The following NR2F1-AS1 variants were observed in gnomAD, a reference collection of about 807,000 sequenced individuals.
NR2F1-AS1 encodes NR2F1 regulatory antisense RNA 1.
chr5:93,416,356 C>A (rs1748967341), intron 4 of NR2F1-AS1, among the ~76,000 whole-genome samples: 1 of 152,048 alleles, frequency 6.6e-6, no homozygotes, highest in Non-Finnish European at 1.5e-5. Context: ...AAATATTATT[C>A]TTTTTTCACC....
In NR2F1-AS1 at chr5:93,419,634, A is replaced by G. The variant is rs867978625; in HGVS notation, n.639-24092T>C. Among the ~76,000 whole-genome samples the G allele has an allele frequency of 5.3e-5, 8 of 152,350 alleles. No homozygotes were observed. The South Asian group carries it at 1.7e-3, about 32-fold the overall frequency. On this transcript the variant is annotated intron_variant and non_coding_transcript_variant, in intron 4 of 5. Transcript: ENST00000660523. ...TTGCATATGCATAGAAATATCGGAA[A>G]GGATATACATTAATAGTGGTCACTT...
rs140105001 is a variant in NR2F1-AS1, at chr5:93,477,136, G to A, written n.638+76625C>T. Among the ~76,000 whole-genome samples the A allele has an allele frequency of 1.0e-3, 159 of 152,262 alleles. 2 individuals are homozygous for A. Among genetic ancestry groups the A allele is most frequent in the African/African-American group, 3.7e-3 (155 of 41,550 alleles). The stretch of plus-strand genomic sequence containing the variant: ...AGAAAGCAAGATTGCTTAAATGTCT[G>A]CACTAACAGAAGGCCCATGTATACA... On this transcript the variant is annotated intron_variant and non_coding_transcript_variant, in intron 4 of 5. Transcript: ENST00000660523.
At chr5:93,518,504 A>AT (rs1241060262) in intron 4 of NR2F1-AS1, among the ~76,000 whole-genome samples, 1 of 152,074 alleles carries the variant, frequency 6.6e-6, no homozygotes, top group Non-Finnish European at 1.5e-5. Context: ...GGACTAAGGG[A>AT]TTTTCCAAAG....
intron 1 of NR2F1-AS1, among the ~76,000 whole-genome samples, chr5:93,565,699 G>T (rs1752602474): frequency 6.6e-6 from 1 of 151,542 alleles, no homozygotes; most frequent in Non-Finnish European, 1.5e-5. Flanking sequence ...TAAAATAAAT[G>T]AAAACACTTC....
intron 4 of NR2F1-AS1, among the ~76,000 whole-genome samples, chr5:93,539,860 C>A (rs1751914019): frequency 6.6e-6 from 1 of 151,858 alleles, no homozygotes; most frequent in African/African-American, 2.4e-5. Flanking sequence ...ATATTGTACC[C>A]CATAAACATA....
At chr5:93,468,089 A>G (rs1310437165) in intron 4 of NR2F1-AS1, among the ~76,000 whole-genome samples, 1 of 152,170 alleles carries the variant, frequency 6.6e-6, no homozygotes, top group Non-Finnish European at 1.5e-5. Context: ...AGTCTTTGCT[A>G]TTGTGAATAG....
At chr5:93,455,751 A>C (rs1749931513) in intron 4 of NR2F1-AS1, among the ~76,000 whole-genome samples, 1 of 152,102 alleles carries the variant, frequency 6.6e-6, no homozygotes, top group African/African-American at 2.4e-5. Context: ...GGATCATCTC[A>C]AAAGACATAG....
In NR2F1-AS1 at chr5:93,579,945, G is replaced by A. The variant is rs1026612055; in HGVS notation, n.313+522C>T. 3.3e-5 allele frequency among the ~76,000 whole-genome samples: 5 copies of A among 152,218 alleles called. No homozygotes were observed. The highest frequency in any genetic ancestry group is 1.2e-4 in the African/African-American group (5 of 41,454). ...GCAGCCATCGATCGCGTTACATTAGGGGATGGCGTTACAAACGGCGTCCGC... is the reference window on the plus strand; with the variant it reads ...GCAGCCATCGATCGCGTTACATTAGAGGATGGCGTTACAAACGGCGTCCGC... On this transcript the variant is annotated intron_variant and non_coding_transcript_variant, in intron 1 of 5. Coordinates refer to ENST00000660523, the Ensembl canonical transcript of NR2F1-AS1. This position sits in a 1 kb window ranked among gnomAD's most constrained non-coding sequence, Gnocchi z 5.1.
intron 1 of NR2F1-AS1, among the ~76,000 whole-genome samples, chr5:93,578,693 A>G (rs1184174919): frequency 2.0e-5 from 3 of 152,092 alleles, no homozygotes; most frequent in Non-Finnish European, 4.4e-5. Flanking sequence ...AGGGAGAGAG[A>G]TCTGAAGAAG....
At chr5:93,501,512 C>A (rs928089928) in intron 4 of NR2F1-AS1, among the ~76,000 whole-genome samples, 2 of 151,872 alleles carry the variant, frequency 1.3e-5, no homozygotes, top group African/African-American at 4.8e-5. Context: ...CACCACCATA[C>A]CCAGCTAATT....
At chr5:93,454,984 G>A (rs1207781179) in intron 4 of NR2F1-AS1, among the ~76,000 whole-genome samples, 1 of 151,658 alleles carries the variant, frequency 6.6e-6, no homozygotes, top group Admixed American at 6.6e-5. Flanking sequence ...CTGAAGTAGA[G>A]TGTTTCCCTG....
intron 4 of NR2F1-AS1, among the ~76,000 whole-genome samples, chr5:93,495,467 T>C (rs1278709556): frequency 6.6e-6 from 1 of 152,136 alleles, no homozygotes; most frequent in African/African-American, 2.4e-5. Flanking sequence ...CTCTCCAAAA[T>C]TCTAATTAAG....
At position 93,516,060 on chromosome 5, in the gene NR2F1-AS1, G is replaced by A. The variant is rs540287283; in HGVS notation, n.638+37701C>T. On this transcript the variant is annotated intron_variant and non_coding_transcript_variant, in intron 4 of 5. Transcript: ENST00000660523. Reference sequence around the variant, plus strand: ...ATTTGTGCCTGACACAAATAACTGCGCAAAAAATGAATGAATGAAGTCTTC... The same window carrying A: ...ATTTGTGCCTGACACAAATAACTGCACAAAAAATGAATGAATGAAGTCTTC... 5.9e-5 allele frequency among the ~76,000 whole-genome samples: 9 copies of A among 151,974 alleles called. No homozygotes were observed. The South Asian group carries it at 1.0e-3, about 17-fold the overall frequency.
chr5:93,577,629 C>G (rs949486689), intron 1 of NR2F1-AS1, among the ~76,000 whole-genome samples: 6 of 152,348 alleles, frequency 3.9e-5, no homozygotes, highest in South Asian at 2.1e-4. Flanking sequence ...ACCCTTTCTT[C>G]CAAAAGATCT....
chr5:93,418,509 C>T (rs1373879574), intron 4 of NR2F1-AS1, among the ~76,000 whole-genome samples: 1 of 151,994 alleles, frequency 6.6e-6, no homozygotes, highest in Non-Finnish European at 1.5e-5. Context: ...TCGCTTGAAC[C>T]CAGGAGGCAG....
chr5:93,495,636 A>T (rs13178334), intron 4 of NR2F1-AS1, among the ~76,000 whole-genome samples: 1 of 152,116 alleles, frequency 6.6e-6, no homozygotes, highest in Non-Finnish European at 1.5e-5. Flanking sequence ...TTGGAAAAAA[A>T]AATTGGACCT....
chr5:93,468,407 T>C (rs1392982741), intron 4 of NR2F1-AS1, among the ~76,000 whole-genome samples: 1 of 152,264 alleles, frequency 6.6e-6, no homozygotes, highest in African/African-American at 2.4e-5. Flanking sequence ...CCAGTGATCA[T>C]GAGCATTTTT....
intron 4 of NR2F1-AS1, among the ~76,000 whole-genome samples, chr5:93,465,244 C>A (rs1038508828): frequency 6.6e-6 from 1 of 152,154 alleles, no homozygotes; most frequent in Non-Finnish European, 1.5e-5. Flanking sequence ...AAACAAACAA[C>A]CCCATTAAAA....
intron 4 of NR2F1-AS1, among the ~76,000 whole-genome samples, chr5:93,509,514 C>T (rs971820969): frequency 1.3e-5 from 2 of 151,820 alleles, no homozygotes; most frequent in Non-Finnish European, 2.9e-5. Flanking sequence ...TAAATACATA[C>T]AATCAAATAT....
Sources: allele counts gnomAD v4.1 joint callset (sites outside exome capture counted in the v4.1 genomes callset), GRCh38; gene constraint gnomAD v4.1.1; non-coding constraint Gnocchi (gnomAD v3.1); transcripts MANE v1.5; gene names NCBI Gene and HGNC (gene_info 2026-07-23, HGNC 2026-07-21).